Variants in PHF8 observed in about 807,000 individuals in gnomAD.
The protein encoded by PHF8 is PHD finger protein 8.
PHF8 carries 9 observed loss-of-function variants against 74.4 expected under a neutral mutation model. The observed-to-expected ratio is 0.12, with a 90% CI of 0.07 to 0.21. The LOEUF (loss-of-function observed/expected upper bound fraction) is 0.21, where lower values mean the gene tolerates loss of function less well. Ranked by LOEUF, PHF8 falls within the 10% of genes least tolerant of loss-of-function variation. The pLI, the probability that PHF8 is intolerant of heterozygous loss-of-function variation, is 1.00. For synonymous variants in PHF8, 311 were observed against 316.6 expected, an observed-to-expected ratio of 0.98 and a Z score of 0.19; for missense variants, 478 against 816.6, an observed-to-expected ratio of 0.59 and a Z score of 5.05.
At chrX:53,959,703 A>G (rs1557090045) in intron 19 of PHF8, among the ~76,000 whole-genome samples, 1 of 107,884 alleles carries the variant, frequency 9.3e-6, no homozygotes, top group East Asian at 3.0e-4. Flanking sequence ...CTCTACTAAA[A>G]ATACAAAAAA....
intron 18 of PHF8, among the ~76,000 whole-genome samples, chrX:53,977,174 GA>G (rs782598493): frequency 0.019 from 2,048 of 106,838 alleles, 56 homozygotes; most frequent in African/African-American, 0.066. Flanking sequence ...ATCTCTACTA[GA>G]AAAAAAAAAT....
chrX:53,984,284 T>G (rs1322596473), intron 18 of PHF8, among the ~76,000 whole-genome samples: 1 of 111,723 alleles, frequency 9.0e-6, no homozygotes. Flanking sequence ...GAGAATTGCT[T>G]GAACCCAGGA....
intron 4 of PHF8, among the ~76,000 whole-genome samples, chrX:54,019,055 A>T (rs189814982): frequency 8.9e-6 from 1 of 112,476 alleles, no homozygotes; most frequent in Middle Eastern, 4.6e-3. Context: ...TATAGAAATT[A>T]AAATTTTCTC....
intron 4 of PHF8, among the ~76,000 whole-genome samples, chrX:54,018,742 T>A (rs1253018662): frequency 9.1e-6 from 1 of 109,954 alleles, no homozygotes; most frequent in Non-Finnish European, 1.9e-5. Flanking sequence ...TACCTCAGCC[T>A]CCCGACTAGC....
chrX:54,042,577 C>T (rs2066578453), intron 2 of PHF8, 54 bp downstream of exon 2: 1 of 1,012,942 alleles, frequency 9.9e-7, no homozygotes, highest in African/African-American at 1.9e-5. Context: ...GAAGAGAGAG[C>T]AAGTGAACAC....
At chrX:53,987,992 C>T (rs782450841) in intron 14 of PHF8, 48 bp from the exon 15 acceptor site, 5 of 972,994 alleles carry the variant, frequency 5.1e-6, no homozygotes, top group Non-Finnish European at 7.3e-6. Context: ...TATTGTTAGT[C>T]GCTAGCAAGA....
At position 54,007,078 on chromosome X, in the gene PHF8, C is replaced by T. The variant is rs781898838; in HGVS notation, c.946+4044G>A. Among the ~76,000 whole-genome samples, 6 of 111,334 alleles carry T rather than the reference C, an allele frequency of 5.4e-5. No homozygotes were observed. In the South Asian group the frequency reaches 2.2e-3, roughly 41 times the overall value. On this transcript the variant is annotated intron_variant, in intron 8 of 21. Transcript: ENST00000338154. ...GGTGTGACACTGTTAGAAGGATCAA[C>T]AGAATAGAATTCAAGGTCCAGAAAT...
chrX:54,024,837 TTA>T (rs1234949960), intron 2 of PHF8, among the ~76,000 whole-genome samples: 7 of 112,133 alleles, frequency 6.2e-5, no homozygotes, highest in African/African-American at 2.3e-4. Flanking sequence ...GGCTTGTCTT[TTA>T]TATGTCTTTT....
chrX:54,007,654 A>G (rs2065916838), intron 8 of PHF8, among the ~76,000 whole-genome samples: 1 of 112,478 alleles, frequency 8.9e-6, no homozygotes, highest in Non-Finnish European at 1.9e-5. Context: ...GAAAGATGTT[A>G]AACATCAAAG....
At chrX:53,970,005 C>T (rs2065268718) in intron 18 of PHF8, among the ~76,000 whole-genome samples, 1 of 112,171 alleles carries the variant, frequency 8.9e-6, no homozygotes, top group African/African-American at 3.2e-5. Context: ...AAATGTAAGA[C>T]CTGAAACTAT....
At chrX:53,949,164 C>T (rs1456844223) in intron 19 of PHF8, among the ~76,000 whole-genome samples, 2 of 111,007 alleles carry the variant, frequency 1.8e-5, no homozygotes, top group Non-Finnish European at 3.8e-5. Flanking sequence ...GAAACCCTGT[C>T]TCTACTAAAA....
In PHF8 at chrX:53,939,254, G is replaced by C. The variant is rs1358217867; in HGVS notation, c.2987-8C>G. 1 of 1,200,772 alleles carries C rather than the reference G, an allele frequency of 8.3e-7. No individual in the cohort carries two copies. Among genetic ancestry groups the C allele is most frequent in the Non-Finnish European group, 1.1e-6 (1 of 888,477 alleles). On this transcript the variant is annotated splice_polypyrimidine_tract_variant and splice_region_variant and intron_variant, in intron 21 of 21. Transcript: ENST00000338154. ...CCTTTTTGGGACGCTTTCCTGTGGG[G>C]GAAGGGAAAAGTAAGCAAGGGCTTT...
intron 19 of PHF8, among the ~76,000 whole-genome samples, chrX:53,948,240 G>GT (rs1392765782): frequency 1.8e-5 from 2 of 111,899 alleles, no homozygotes; most frequent in Non-Finnish European, 1.9e-5. Context: ...ACTAACTTTG[G>GT]TAAGTATAAA....
At position 53,970,552 on chromosome X, in the gene PHF8, G is replaced by A. The variant is rs782551934; in HGVS notation, c.2444-7613C>T. Among the ~76,000 whole-genome samples the A allele has an allele frequency of 6.3e-5, 7 of 111,336 alleles. No individual in the cohort carries two copies. The East Asian group carries it at 2.0e-3, about 31-fold the overall frequency. ...ATGCCCCAATTAAAAGACATAGAAT[G>A]GCAAGCTGGATAGAGTCAAGACCCA... On this transcript the variant is annotated intron_variant, in intron 18 of 21. Coordinates refer to ENST00000338154, the MANE Select transcript of PHF8 (RefSeq NM_015107.3).
chrX:53,944,230 T>TG lies in PHF8; in HGVS notation c.2552dup (p.Thr852AsnfsTer11). ...CAGGACGGTCCTGCTTCGGCAGAGT[T>TG]GGGGTCACGCGGGCTGCAAGGGAAA... On this transcript the variant is annotated frameshift_variant, in exon 20 of 22. Transcript: ENST00000338154. LOFTEE classifies it high-confidence loss of function. 1 of 1,205,613 alleles carries TG rather than the reference T, an allele frequency of 8.3e-7. No homozygotes were observed. The highest frequency in any genetic ancestry group is 1.1e-6 in the Non-Finnish European group (1 of 890,538).
At chrX:54,016,556 C>T in intron 6 of PHF8, 39 bp downstream of exon 6, 1 of 1,143,371 alleles carries the variant, frequency 8.7e-7, no homozygotes, top group Non-Finnish European at 1.2e-6. Flanking sequence ...AAGTTTCAGG[C>T]ACTTTGTCAG....
intron 2 of PHF8, among the ~76,000 whole-genome samples, chrX:54,041,390 AAAAAAAAAAAAAAAG>A (rs1242031365): frequency 4.9e-5 from 5 of 101,232 alleles, no homozygotes; most frequent in Admixed American, 1.1e-4. Context: ...GTCTCAAATA[AAAAAAAAAAAAAAAG>A]AAAAAAGAAA....
At chrX:53,963,680 A>G (rs2065137121) in intron 18 of PHF8, among the ~76,000 whole-genome samples, 1 of 112,479 alleles carries the variant, frequency 8.9e-6, no homozygotes, top group African/African-American at 3.2e-5. Context: ...CGAAACCACA[A>G]TGAGATACCA....
At chrX:54,032,903 A>G (rs1318152889) in intron 2 of PHF8, among the ~76,000 whole-genome samples, 1 of 111,351 alleles carries the variant, frequency 9.0e-6, no homozygotes, top group Admixed American at 9.6e-5. Flanking sequence ...TTAACCTATC[A>G]CTGCTGGTTC....
Sources: gnomAD v4.1 joint callset for allele counts (sites outside exome capture counted in the v4.1 genomes callset) on GRCh38, gnomAD v4.1.1 for gene constraint, MANE v1.5 for transcripts, NCBI Gene and HGNC (gene_info 2026-07-23, HGNC 2026-07-21) for gene names.